The following LAMA4 variants were observed in gnomAD, a reference collection of about 807,000 sequenced individuals.
LAMA4 encodes the protein laminin subunit alpha 4, also known as laminin subunit alpha-4.
Under a neutral mutation model 207.1 loss-of-function variants are expected in LAMA4, and 127 were observed. The ratio of observed to expected loss-of-function variants is 0.61; its 90% CI spans 0.53 to 0.71. LAMA4 has a LOEUF of 0.71. LAMA4 is among the 30% of genes least tolerant of loss of function. The pLI is 0.00. For synonymous variants in LAMA4, 761 were observed against 816.0 expected (o/e 0.93, Z 1.15); for missense variants, 2,093 against 2,246.5 (o/e 0.93, Z 1.38).
intron 14 of LAMA4, among the ~76,000 whole-genome samples, chr6:112,156,666 G>T (rs1479778056): frequency 2.0e-5 from 3 of 151,470 alleles, no homozygotes; most frequent in Non-Finnish European, 4.4e-5. Context: ...CACCTCATTT[G>T]TCAGTAACTT....
At chr6:112,254,352 T>TGTCTCTCCCCTTCTCCCC in intron 1 of LAMA4, 61 bp from the exon 2 acceptor site, 1 of 631,126 alleles carries the variant, frequency 1.6e-6, no homozygotes, top group African/African-American at 1.8e-5. Flanking sequence ...TCTCCCTCTC[T>TGTCTCTCCCCTTCTCCCC]CTCTCTCCCC....
At chr6:112,189,697 C>T (rs1469892919) in intron 6 of LAMA4, among the ~76,000 whole-genome samples, 1 of 152,140 alleles carries the variant, frequency 6.6e-6, no homozygotes, top group East Asian at 1.9e-4. Flanking sequence ...ATTCTTGGCT[C>T]CCACTGCGCT....
In LAMA4 at chr6:112,172,726, T is replaced by A. The variant is rs781939403; in HGVS notation, c.1436A>T (p.Asp479Val). Residue 479 changes from aspartate to valine, a missense_variant, in exon 12 of 39, where the codon GAT becomes GTT. Asp to Val is a radical substitution (Grantham distance 152). Coordinates refer to ENST00000230538, the MANE Select transcript of LAMA4 (RefSeq NM_001105206.3). ...TLFPVVLEQLDDYNAKLSDLQ... is the reference protein window; with the variant it reads ...TLFPVVLEQLVDYNAKLSDLQ... ...ATCTGACAACTTAGCATTGTAGTCATCCAGCTGCTCCAGGACGACAGGAAA... is the reference window on the plus strand; with the variant it reads ...ATCTGACAACTTAGCATTGTAGTCAACCAGCTGCTCCAGGACGACAGGAAA... 27 of 1,613,918 alleles carry A rather than the reference T, an allele frequency of 1.7e-5. No homozygotes were observed. Among genetic ancestry groups the A allele is most frequent in the Non-Finnish European group, 2.2e-5 (26 of 1,179,982 alleles).
At chr6:112,254,596 C>G (rs1479844125), upstream of LAMA4, 1 of 214,456 alleles carries the variant, frequency 4.7e-6, no homozygotes. Flanking sequence ...CCCTTTTTAC[C>G]TTCTACTCCC....
At position 112,139,189 on chromosome 6, in the gene LAMA4, C is replaced by A. The variant is rs782005024; in HGVS notation, c.3213G>T (p.Gln1071His). Residue 1071 changes from glutamine to histidine, a missense_variant, in exon 24 of 39, where the codon CAG becomes CAT. Physicochemically the swap from Gln to His is conservative, Grantham distance 24. Transcript: ENST00000230538. ...GAACTTCTATGTCAAAGCGAGTCACCTGACCAAATTTCCCTCTCCTTGTGA... is the reference window on the plus strand; with the variant it reads ...GAACTTCTATGTCAAAGCGAGTCACATGACCAAATTTCCCTCTCCTTGTGA... Reference protein sequence around the residue: ...RDITRRGKFGQVTRFDIEVRT... With the variant: ...RDITRRGKFGHVTRFDIEVRT... The A allele has an allele frequency of 3.1e-6, 5 of 1,614,070 alleles. No homozygotes were observed. Among genetic ancestry groups the A allele is most frequent in the Non-Finnish European group, 4.2e-6 (5 of 1,180,026 alleles).
At chr6:112,207,199 C>G in intron 3 of LAMA4, 54 bp from the exon 4 acceptor site, 1 of 1,599,382 alleles carries the variant, frequency 6.3e-7, no homozygotes, top group Non-Finnish European at 8.6e-7. Flanking sequence ...ATTTTAGAGA[C>G]AGCACATCTA....
intron 3 of LAMA4, among the ~76,000 whole-genome samples, chr6:112,215,659 T>G (rs1350831036): frequency 2.6e-5 from 4 of 152,222 alleles, no homozygotes; most frequent in African/African-American, 9.6e-5. Context: ...TTCTGGTAAA[T>G]ATTTCAACAC....
intron 12 of LAMA4, among the ~76,000 whole-genome samples, chr6:112,169,511 A>G (rs1781591474): frequency 1.3e-5 from 2 of 152,186 alleles, no homozygotes; most frequent in African/African-American, 4.8e-5. Context: ...TAAGGACTGA[A>G]GCAGTGAGAT....
chr6:112,240,276 G>GTATATAGTAGGTGTATATATTTATGTA (rs1786313433), intron 2 of LAMA4, among the ~76,000 whole-genome samples: 1 of 151,740 alleles, frequency 6.6e-6, no homozygotes, highest in African/African-American at 2.4e-5. Flanking sequence ...AAATTGTTGT[G>GTATATAGTAGGTGTATATATTTATGTA]GGTAAATAGT....
At chr6:112,213,602 T>C (rs1784468382) in intron 3 of LAMA4, 1 of 156,212 alleles carries the variant, frequency 6.4e-6, no homozygotes, top group African/African-American at 2.4e-5. Flanking sequence ...AAGATTAGTG[T>C]TCCACCAGTA....
At chr6:112,216,929 G>C (rs782057091) in intron 2 of LAMA4, among the ~76,000 whole-genome samples, 9 of 152,168 alleles carry the variant, frequency 5.9e-5, no homozygotes, top group Non-Finnish European at 1.2e-4. Flanking sequence ...CTTAGCTATA[G>C]GATAGCAACT....
chr6:112,145,139 T>C (rs561332033), intron 18 of LAMA4, among the ~76,000 whole-genome samples: 1 of 152,350 alleles, frequency 6.6e-6, no homozygotes, highest in East Asian at 1.9e-4. Flanking sequence ...CCAGACGGAC[T>C]CAGCTAGTTT....
At position 112,119,171 on chromosome 6, in the gene LAMA4, A is replaced by C; in HGVS notation, c.4806T>G (p.Ala1602=). 6.2e-7 allele frequency: 1 copy of C among 1,613,912 alleles called. No homozygotes were observed. The highest frequency in any genetic ancestry group is 8.5e-7 in the Non-Finnish European group (1 of 1,179,892). ...CCTGGCTTACCTGAACATTTTTCACAGCCTTTCCAGGAGCCACACCTCCCA... is the reference window on the plus strand; with the variant it reads ...CCTGGCTTACCTGAACATTTTTCACCGCCTTTCCAGGAGCCACACCTCCCA... ...IYLGGVAPGK[A]VKNVQINSIY... is the part of the protein sequence containing the mutation. Residue 1602 remains alanine (A), a synonymous_variant, in exon 34 of 39, where the codon GCT becomes GCG. Transcript: ENST00000230538.
At chr6:112,232,250 G>A (rs564451820) in intron 2 of LAMA4, among the ~76,000 whole-genome samples, 1 of 152,188 alleles carries the variant, frequency 6.6e-6, no homozygotes, top group South Asian at 2.1e-4. Context: ...CTTAATTTGG[G>A]GAGCTTATTT....
intron 16 of LAMA4, among the ~76,000 whole-genome samples, chr6:112,154,025 A>G (rs1780551181): frequency 1.3e-5 from 2 of 152,154 alleles, no homozygotes; most frequent in Admixed American, 6.5e-5. Context: ...TTTAGTTTCA[A>G]ACTTGGCCTT....
At chr6:112,253,533 G>C (rs556336988) in intron 2 of LAMA4, 1 of 509,004 alleles carries the variant, frequency 2.0e-6, no homozygotes, top group Middle Eastern at 5.5e-4. Context: ...GAGACAAAAA[G>C]ATCCTGCAGT....
chr6:112,216,732 C>T, intron 2 of LAMA4: 1 of 456,878 alleles, frequency 2.2e-6, no homozygotes, highest in East Asian at 4.4e-5. Context: ...TTAACACTGT[C>T]TTATCATTGC....
chr6:112,142,642 C>G (rs1554333624), intron 19 of LAMA4, among the ~76,000 whole-genome samples: 2 of 152,156 alleles, frequency 1.3e-5, no homozygotes, highest in Non-Finnish European at 2.9e-5. Context: ...TTATACAAAA[C>G]TAATTGTTTG....
intron 2 of LAMA4, among the ~76,000 whole-genome samples, chr6:112,221,254 A>C (rs1380514784): frequency 6.6e-6 from 1 of 151,996 alleles, no homozygotes; most frequent in Non-Finnish European, 1.5e-5. Flanking sequence ...GAAAGAACAC[A>C]CTCTACAGCC....
Sources: allele counts gnomAD v4.1 joint callset (sites outside exome capture counted in the v4.1 genomes callset), GRCh38; gene constraint gnomAD v4.1.1; transcripts MANE v1.5; gene names NCBI Gene and HGNC (gene_info 2026-07-23, HGNC 2026-07-21).